Variants in CSMD2 observed in about 807,000 individuals in gnomAD.
CSMD2 encodes CUB and Sushi multiple domains 2, also known as CUB and sushi domain-containing protein 2.
CSMD2 carries 130 observed loss-of-function variants against 398.5 expected under a neutral mutation model. The observed-to-expected ratio is 0.33, with a 90% CI of 0.28 to 0.38. CSMD2 has a LOEUF of 0.38. Among genes scored for constraint, CSMD2 ranks in the 10% least tolerant of loss-of-function variants. CSMD2 has a pLI of 1.00. For synonymous variants in CSMD2, 1,828 were observed against 1,908.5 expected, an observed-to-expected ratio of 0.96 and a Z score of 1.10; for missense variants, 3,829 against 4,764.9, an observed-to-expected ratio of 0.80 and a Z score of 5.78.
intron 7 of CSMD2, among the ~76,000 whole-genome samples, chr1:33,821,160 G>A (rs1271988028): frequency 6.6e-6 from 1 of 152,128 alleles, no homozygotes; most frequent in Non-Finnish European, 1.5e-5. Flanking sequence ...CCCCTACCCA[G>A]TGCCACCCAT....
At chr1:34,001,569 C>T (rs553402405) in intron 3 of CSMD2, among the ~76,000 whole-genome samples, 3 of 152,172 alleles carry the variant, frequency 2.0e-5, no homozygotes, top group Non-Finnish European at 2.9e-5. Context: ...TGGACATTCA[C>T]GAGCATGAAT....
intron 13 of CSMD2, among the ~76,000 whole-genome samples, chr1:33,768,535 CAT>C (rs772377380): frequency 0.012 from 1,384 of 114,614 alleles, 12 homozygotes; most frequent in African/African-American, 0.032. Flanking sequence ...TGTGTGCGTG[CAT>C]GTGTGTGTGT....
intron 64 of CSMD2, among the ~76,000 whole-genome samples, chr1:33,528,446 T>G (rs1227513415): frequency 6.6e-6 from 1 of 152,248 alleles, no homozygotes; most frequent in African/African-American, 2.4e-5. Context: ...CTCCTTCAAC[T>G]CTGGAGGTCA....
At chr1:33,603,277 T>C (rs1285730553) in intron 42 of CSMD2, among the ~76,000 whole-genome samples, 1 of 152,204 alleles carries the variant, frequency 6.6e-6, no homozygotes, top group Non-Finnish European at 1.5e-5. Context: ...TACTCAATTT[T>C]AGTCTCACTG....
chr1:34,083,455 A>G (rs973863882), intron 2 of CSMD2, among the ~76,000 whole-genome samples: 1 of 152,220 alleles, frequency 6.6e-6, no homozygotes, highest in Non-Finnish European at 1.5e-5. Context: ...CATTTTTCCT[A>G]ATTCAACTTC....
chr1:33,753,073 A>G (rs6680356), intron 13 of CSMD2, among the ~76,000 whole-genome samples: 46,312 of 152,008 alleles, frequency 0.3, 8,784 homozygotes, highest in African/African-American at 0.54. Context: ...GAAAAGCACA[A>G]AAGTTTGGAA....
At chr1:33,568,489 GGCATCTTGTTTTTCACCGA>G (rs1250907017) in intron 52 of CSMD2, among the ~76,000 whole-genome samples, 7 of 152,160 alleles carry the variant, frequency 4.6e-5, no homozygotes, top group African/African-American at 1.7e-4. Flanking sequence ...ACCTAGCCTG[GGCATCTTGTTTTTCACCGA>G]GCATCTGCTG....
At chr1:34,115,855 T>C (rs889917226) in intron 1 of CSMD2, among the ~76,000 whole-genome samples, 2 of 151,956 alleles carry the variant, frequency 1.3e-5, no homozygotes, top group African/African-American at 4.8e-5. Flanking sequence ...AGTTTTTATA[T>C]GCAACTGAGG....
intron 2 of CSMD2, among the ~76,000 whole-genome samples, chr1:34,069,427 G>T (rs923100421): frequency 2.6e-5 from 4 of 152,134 alleles, no homozygotes; most frequent in African/African-American, 4.8e-5. Context: ...GGCTAACCGT[G>T]GGTGCTTGGC....
intron 51 of CSMD2, among the ~76,000 whole-genome samples, chr1:33,571,250 T>C (rs1032075303): frequency 1.5e-4 from 23 of 152,180 alleles, no homozygotes; most frequent in African/African-American, 5.3e-4. Context: ...GTCTGGCATA[T>C]AGTAAGAGCC....
chr1:34,077,736 C>CAAAAA (rs59532141), intron 2 of CSMD2, among the ~76,000 whole-genome samples: 1 of 38,350 alleles, frequency 2.6e-5, no homozygotes, highest in African/African-American at 1.1e-4. Context: ...GACTCCATCT[C>CAAAAA]AAAAAAAAAA....
At chr1:33,573,344 C>T (rs12129692) in intron 49 of CSMD2, among the ~76,000 whole-genome samples, 33,729 of 151,890 alleles carry the variant, frequency 0.22, 3,995 homozygotes, top group Non-Finnish European at 0.26. Flanking sequence ...ATCAGCAGTG[C>T]GAACAAGACA....
At chr1:33,924,305 C>T (rs1250481038) in intron 4 of CSMD2, among the ~76,000 whole-genome samples, 1 of 152,160 alleles carries the variant, frequency 6.6e-6, no homozygotes, top group Non-Finnish European at 1.5e-5. Flanking sequence ...TCCCAAGTAA[C>T]TGGGACTATG....
At chr1:33,749,321 G>A (rs1028003758) in intron 13 of CSMD2, among the ~76,000 whole-genome samples, 9 of 151,866 alleles carry the variant, frequency 5.9e-5, no homozygotes, top group African/African-American at 1.9e-4. Context: ...GGATGGTCTC[G>A]ATCTCCTGAC....
At chr1:33,756,497 T>C (rs1569757144) in intron 13 of CSMD2, among the ~76,000 whole-genome samples, 1 of 152,124 alleles carries the variant, frequency 6.6e-6, no homozygotes, top group South Asian at 2.1e-4. Context: ...TCTGAGGAGG[T>C]GGCCTTTGGA....
chr1:33,829,802 C>A (rs1020459834), intron 6 of CSMD2, among the ~76,000 whole-genome samples: 6 of 152,024 alleles, frequency 3.9e-5, no homozygotes, highest in Non-Finnish European at 7.4e-5. Context: ...GTCACTCCCA[C>A]CCGAATACTG....
chr1:33,739,678 TCA>T (rs1646994577), intron 14 of CSMD2, among the ~76,000 whole-genome samples: 2 of 152,198 alleles, frequency 1.3e-5, no homozygotes, highest in African/African-American at 4.8e-5. Context: ...AAACTGAGGC[TCA>T]GTGTGGTTAA....
chr1:33,794,446 T>C (rs976889430), intron 10 of CSMD2, among the ~76,000 whole-genome samples: 1 of 151,946 alleles, frequency 6.6e-6, no homozygotes, highest in Admixed American at 6.6e-5. Flanking sequence ...CCAATGGATA[T>C]GGAAGGGAAA....
intron 32 of CSMD2, among the ~76,000 whole-genome samples, chr1:33,628,455 G>A (rs1642260325): frequency 6.6e-6 from 1 of 152,104 alleles, no homozygotes; most frequent in African/African-American, 2.4e-5. Flanking sequence ...GATCACCTGA[G>A]GTCAGGAGTT....
Sources: gnomAD v4.1 joint callset for allele counts (sites outside exome capture counted in the v4.1 genomes callset) on GRCh38, gnomAD v4.1.1 for gene constraint, MANE v1.5 for transcripts, NCBI Gene and HGNC (gene_info 2026-07-23, HGNC 2026-07-21) for gene names.